The following CYP4X1 variants were observed in gnomAD, a reference collection of about 807,000 sequenced individuals.
The protein encoded by CYP4X1 is cytochrome P450 family 4 subfamily X member 1, also known as cytochrome P450 4X1.
Under a neutral mutation model 57.9 loss-of-function variants are expected in CYP4X1, and 44 were observed. That is an observed-to-expected ratio of 0.76 (90% CI 0.60 to 0.98). CYP4X1 has a LOEUF of 0.98. CYP4X1 is among the 50% of genes least tolerant of loss of function. The pLI is 0.00. For missense variants in CYP4X1, 532 were observed against 623.9 expected, an observed-to-expected ratio of 0.85 and a Z score of 1.57; for synonymous variants, 227 against 228.6, an observed-to-expected ratio of 0.99 and a Z score of 0.06.
rs151115170 is a variant in CYP4X1, at chr1:47,039,486, C to T, written c.1027C>T (p.Arg343Trp). 93 of 1,612,760 alleles carry T rather than the reference C, an allele frequency of 5.8e-5. No individual in the cohort carries two copies. The highest frequency in any genetic ancestry group is 7.0e-5 in the Non-Finnish European group (82 of 1,179,468). ...ALNPEHQERC[R>W]EEVRGILGDG... ...GAACCCTGAGCATCAAGAGAGATGC[C>T]GGGAGGAGGTCAGGGGCATCCTGGG... Residue 343 changes from arginine (R) to tryptophan (W), a missense_variant, in exon 8 of 12, where the codon CGG becomes TGG. Coordinates refer to ENST00000371901, the MANE Select transcript of CYP4X1 (RefSeq NM_178033.2).
intron 9 of CYP4X1, among the ~76,000 whole-genome samples, chr1:47,046,868 T>C (rs1179694720): frequency 2.0e-5 from 3 of 152,186 alleles, no homozygotes; most frequent in Non-Finnish European, 4.4e-5. Context: ...GTCTCTTCCA[T>C]TGTGGGACAT....
chr1:47,050,272 G>A lies in CYP4X1; in HGVS notation c.*98G>A, dbSNP rs1644349807. ...GAAAGGGATCAATGTATGGTGGGAG[G>A]ATTGGAGGTTGGTGGGATAGGGGTC... On this transcript the variant is annotated 3_prime_UTR_variant, in exon 12 of 12. Transcript: ENST00000371901. The A allele has an allele frequency of 1.9e-5, 27 of 1,420,498 alleles. No individual in the cohort carries two copies. Among genetic ancestry groups the A allele is most frequent in the Non-Finnish European group, 2.6e-5 (27 of 1,031,876 alleles). 88.0% of individuals were successfully genotyped at this position (1,420,498 alleles called of 1,614,324 possible).
At position 47,029,975 on chromosome 1, in the gene CYP4X1, C is replaced by T; in HGVS notation, c.178-15C>T. 6.2e-7 allele frequency: 1 copy of T among 1,612,890 alleles called. No homozygotes were observed. On this transcript the variant is annotated splice_polypyrimidine_tract_variant and intron_variant, in intron 1 of 11. Coordinates refer to ENST00000371901, the MANE Select transcript of CYP4X1 (RefSeq NM_178033.2). ...CAGCTTGGCTGGCTAATTACTTTTACTTTTTTCACTGCAGTTTATTCAGGA... is the reference window on the plus strand; with the variant it reads ...CAGCTTGGCTGGCTAATTACTTTTATTTTTTTCACTGCAGTTTATTCAGGA...
chr1:47,027,198 G>A lies in CYP4X1; in HGVS notation c.178-2792G>A, dbSNP rs184735315. Among the ~76,000 whole-genome samples the A allele has an allele frequency of 3.3e-5, 5 of 150,948 alleles. No individual in the cohort carries two copies. In the East Asian group the frequency reaches 9.7e-4, roughly 29 times the overall value. On this transcript the variant is annotated intron_variant, in intron 1 of 11. Coordinates refer to ENST00000371901, the MANE Select transcript of CYP4X1 (RefSeq NM_178033.2). ...AGTTTTTTTTTTTCTGTTTTTGAGAGGTTTCTATCAGAATTTTGCAGATCA... is the reference window on the plus strand; with the variant it reads ...AGTTTTTTTTTTTCTGTTTTTGAGAAGTTTCTATCAGAATTTTGCAGATCA...
the CYP4X1 span, among the ~76,000 whole-genome samples, chr1:46,991,357 A>C: frequency 6.6e-6 from 1 of 152,140 alleles, no homozygotes; most frequent in South Asian, 2.1e-4. Context: ...GGGCCTCATT[A>C]ATTCTCCACA....
At chr1:46,984,276 C>T in the CYP4X1 span, among the ~76,000 whole-genome samples, 1 of 151,386 alleles carries the variant, frequency 6.6e-6, no homozygotes, top group East Asian at 2.0e-4. Context: ...TTGTCTCACT[C>T]TTCTCTCTGT....
chr1:47,039,657 C>G (rs1644223797), intron 8 of CYP4X1, 125 bp downstream of exon 8: 1 of 586,262 alleles, frequency 1.7e-6, no homozygotes, highest in Non-Finnish European at 2.6e-6. Flanking sequence ...AAGAAGTAGG[C>G]TACTTTTCTG....
the CYP4X1 span, among the ~76,000 whole-genome samples, chr1:47,008,042 G>A: frequency 6.6e-5 from 10 of 152,250 alleles, no homozygotes; most frequent in African/African-American, 2.4e-4. Context: ...AGCAAGGCAG[G>A]CCAACATTCA....
the CYP4X1 span, among the ~76,000 whole-genome samples, chr1:46,976,267 C>A: frequency 2.6e-5 from 4 of 152,172 alleles, no homozygotes; most frequent in East Asian, 7.7e-4. Flanking sequence ...TTCCAAAGAT[C>A]TTAGCAAAAG....
At chr1:46,988,214 A>C in the CYP4X1 span, among the ~76,000 whole-genome samples, 1 of 152,192 alleles carries the variant, frequency 6.6e-6, no homozygotes, top group South Asian at 2.1e-4. Context: ...ATCACCACTG[A>C]TCCCACAGAA....
At chr1:46,976,982 A>G in the CYP4X1 span, among the ~76,000 whole-genome samples, 1 of 152,180 alleles carries the variant, frequency 6.6e-6, no homozygotes, top group Non-Finnish European at 1.5e-5. Context: ...ACCATCATCA[A>G]AGGCCAAAGG....
the CYP4X1 span, among the ~76,000 whole-genome samples, chr1:47,000,566 T>C: frequency 6.6e-6 from 1 of 152,082 alleles, no homozygotes; most frequent in African/African-American, 2.4e-5. Context: ...ATCACTGAGG[T>C]TGTGGTAGTT....
At chr1:46,987,916 C>A in the CYP4X1 span, among the ~76,000 whole-genome samples, 2 of 152,078 alleles carry the variant, frequency 1.3e-5, no homozygotes, top group Admixed American at 6.5e-5. Flanking sequence ...GCACTAAATG[C>A]CCACAAGAGA....
chr1:47,009,841 C>T, the CYP4X1 span, among the ~76,000 whole-genome samples: 2 of 152,218 alleles, frequency 1.3e-5, no homozygotes, highest in African/African-American at 4.8e-5. Flanking sequence ...GACACATACA[C>T]CTTCCCAAGA....
the CYP4X1 span, among the ~76,000 whole-genome samples, chr1:46,994,786 T>C: frequency 6.6e-6 from 1 of 152,138 alleles, no homozygotes; most frequent in Non-Finnish European, 1.5e-5. Context: ...AAACACCTAC[T>C]ATGTGCCAGG....
At chr1:46,992,155 T>A in the CYP4X1 span, among the ~76,000 whole-genome samples, 115 of 152,238 alleles carry the variant, frequency 7.6e-4, no homozygotes, top group African/African-American at 2.6e-3. Context: ...AAAAATTTTT[T>A]AAAAAATTAA....
At chr1:47,022,679 G>A (rs536399998), upstream of CYP4X1, among the ~76,000 whole-genome samples, 3 of 152,270 alleles carry the variant, frequency 2.0e-5, no homozygotes, top group South Asian at 4.1e-4. Flanking sequence ...GCGGAAGGGC[G>A]GGGAAGGTGG....
At chr1:46,981,007 T>C in the CYP4X1 span, among the ~76,000 whole-genome samples, 1 of 152,172 alleles carries the variant, frequency 6.6e-6, no homozygotes, top group Non-Finnish European at 1.5e-5. Flanking sequence ...ACTTAAATAT[T>C]AGACCTAAAA....
intron 6 of CYP4X1, among the ~76,000 whole-genome samples, chr1:47,036,386 A>ATATATATATATATATATAT: frequency 6.8e-6 from 1 of 148,018 alleles, no homozygotes; most frequent in Non-Finnish European, 1.5e-5. Context: ...ATATATATAT[A>ATATATATATATATATATAT]CACTATTTTT....
Sources: allele counts gnomAD v4.1 joint callset (sites outside exome capture counted in the v4.1 genomes callset), GRCh38; gene constraint gnomAD v4.1.1; transcripts MANE v1.5; gene names NCBI Gene and HGNC (gene_info 2026-07-23, HGNC 2026-07-21).